The following SASS6 variants were observed in gnomAD, a reference collection of about 807,000 sequenced individuals.
The protein encoded by SASS6 is SAS-6 centriolar assembly protein.
Under a neutral mutation model 94.9 loss-of-function variants are expected in SASS6, and 59 were observed. The observed-to-expected ratio is 0.62, with a 90% CI of 0.50 to 0.77. SASS6 has a LOEUF of 0.77. Among genes scored for constraint, SASS6 ranks in the 30% least tolerant of loss-of-function variants. The pLI is 0.00. For synonymous variants in SASS6, 264 were observed against 270.0 expected (o/e 0.98, Z 0.22); for missense variants, 698 against 734.1 (o/e 0.95, Z 0.57).
intron 14 of SASS6, among the ~76,000 whole-genome samples, chr1:100,090,424 G>A (rs1651589424): frequency 6.6e-6 from 1 of 152,120 alleles, no homozygotes; most frequent in Non-Finnish European, 1.5e-5. Context: ...TTTTTCTGCT[G>A]AGATATGAAA....
intron 7 of SASS6, among the ~76,000 whole-genome samples, chr1:100,116,013 G>A (rs185412142): frequency 1.8e-4 from 27 of 152,004 alleles, no homozygotes; most frequent in African/African-American, 4.8e-4. Flanking sequence ...CATAGTCCTC[G>A]GGTGGGAAAC....
In SASS6 at chr1:100,122,387, T is replaced by C; in HGVS notation, c.304A>G (p.Ile102Val). 1 of 1,444,310 alleles carries C rather than the reference T, an allele frequency of 6.9e-7. No individual in the cohort carries two copies. The highest frequency in any genetic ancestry group is 9.7e-7 in the Non-Finnish European group (1 of 1,036,010). 89.5% of individuals were successfully genotyped at this position (1,444,310 alleles called of 1,614,324 possible). The change falls in exon 4 of 17, where the codon ATT becomes GTT. Residue 102 changes from isoleucine to valine, a missense_variant. Ile to Val is a conservative substitution (Grantham distance 29). Transcript: ENST00000287482. ...QQCTQEHAKE[I>V]PRFLLQLVSP... ...CATTCTCATGCAACTTACCTTGGAA[T>C]TTCTTTGGCATGTTCTTGAGTACAT...
intron 7 of SASS6, 73 bp from the exon 8 acceptor site, chr1:100,110,556 A>G: frequency 1.3e-6 from 1 of 764,498 alleles, no homozygotes; most frequent in South Asian, 3.8e-5. Context: ...AAAGATTTGA[A>G]CAAAAAAAAA....
intron 5 of SASS6, 74 bp from the exon 6 acceptor site, chr1:100,120,533 T>C (rs1295221991): frequency 8.6e-6 from 6 of 701,476 alleles, no homozygotes; most frequent in Non-Finnish European, 2.6e-6. Context: ...AAGTATAGCA[T>C]CAGCATCATC....
intron 14 of SASS6, among the ~76,000 whole-genome samples, chr1:100,102,147 A>T (rs1375089046): frequency 1.3e-5 from 2 of 152,208 alleles, no homozygotes; most frequent in Non-Finnish European, 2.9e-5. Flanking sequence ...GAGGAAAAAG[A>T]AGTAGGTAGA....
chr1:100,127,844 G>A (rs945089840), intron 1 of SASS6, among the ~76,000 whole-genome samples: 3 of 148,812 alleles, frequency 2.0e-5, no homozygotes, highest in Admixed American at 6.7e-5. Flanking sequence ...GGGAGGGGGG[G>A]ACTCAGTTTC....
chr1:100,099,856 C>T (rs897712782), intron 14 of SASS6, among the ~76,000 whole-genome samples: 23 of 152,240 alleles, frequency 1.5e-4, no homozygotes, highest in African/African-American at 4.3e-4. Flanking sequence ...TCTCCCTAAG[C>T]CTTTCAACCA....
chr1:100,095,212 T>C (rs1652029706), intron 14 of SASS6, among the ~76,000 whole-genome samples: 2 of 152,210 alleles, frequency 1.3e-5, no homozygotes, highest in Admixed American at 1.3e-4. Context: ...AAGGCCAGAA[T>C]GTCTGCTCTC....
Position 100,114,929 on chromosome 1 carries a change from G to A in SASS6, c.669+4089C>T, listed in dbSNP as rs145764052. Among the ~76,000 whole-genome samples the A allele has an allele frequency of 3.7e-4, 57 of 152,204 alleles. No homozygotes were observed. In the East Asian group the frequency reaches 0.011, roughly 28 times the overall value. On this transcript the variant is annotated intron_variant, in intron 7 of 16. Transcript: ENST00000287482. ...TTAGATCCCAAAACTCATTTTATCT[G>A]ACTTAGCACTCTTTGAATTAAAATT...
At position 100,107,510 on chromosome 1, in the gene SASS6, A is replaced by G; in HGVS notation, c.1190T>C (p.Leu397Ser). Residue 397 changes from leucine (L) to serine (S), a missense_variant, in exon 11 of 17, where the codon TTA becomes TCA. By Grantham distance (145) the Leu-to-Ser change is moderately radical. Transcript: ENST00000287482. ...IKKLQGDLKT[L>S]MGKLKLKNTV... ...ATTCTTCAATTTCAACTTACCCATT[A>G]AAGTTTTCAGATCCCCTTGTAACTT... 1 of 1,608,030 alleles carries G rather than the reference A, an allele frequency of 6.2e-7. No individual in the cohort carries two copies. Among genetic ancestry groups the G allele is most frequent in the Non-Finnish European group, 8.5e-7 (1 of 1,175,678 alleles).
At chr1:100,094,682 C>A (rs1441632621) in intron 14 of SASS6, among the ~76,000 whole-genome samples, 1 of 152,040 alleles carries the variant, frequency 6.6e-6, no homozygotes, top group Non-Finnish European at 1.5e-5. Context: ...GCCTAGCCAA[C>A]AGGGCGAAAC....
chr1:100,125,222 A>AGTGTGTGTGTGTGT (rs59388922), intron 2 of SASS6, among the ~76,000 whole-genome samples: 2,970 of 143,676 alleles, frequency 0.021, 68 homozygotes, highest in African/African-American at 0.052. Flanking sequence ...ACAAGGCAGC[A>AGTGTGTGTGTGTGT]GTGTGTGTGT....
At chr1:100,092,578 T>G (rs1398980015) in intron 14 of SASS6, among the ~76,000 whole-genome samples, 1 of 151,364 alleles carries the variant, frequency 6.6e-6, no homozygotes, top group Non-Finnish European at 1.5e-5. Flanking sequence ...TTGTGTTTTT[T>G]TGTTTGTTTG....
rs1163006182 is a variant in SASS6 at position 100,129,950 on chromosome 1, T to G, written c.65+2800A>C. Among the ~76,000 whole-genome samples the G allele has an allele frequency of 2.6e-5, 4 of 152,250 alleles. No homozygotes were observed. In the East Asian group the frequency reaches 7.7e-4, roughly 29 times the overall value. The stretch of plus-strand genomic sequence containing the variant: ...ATTACTTTATGCATTTGTCACACAT[T>G]AATACCTAAAATTTAGTGAACATTT... On this transcript the variant is annotated intron_variant, in intron 1 of 16. Coordinates refer to ENST00000287482, the MANE Select transcript of SASS6 (RefSeq NM_194292.3).
chr1:100,110,270 GA>G, intron 8 of SASS6, 21 bp downstream of exon 8: 16 of 1,428,890 alleles, frequency 1.1e-5, no homozygotes, highest in Admixed American at 2.5e-5. Flanking sequence ...ATTGGGGGAG[GA>G]AAAAAAACAA....
At chr1:100,110,534 A>G (rs745306330) in intron 7 of SASS6, 51 bp from the exon 8 acceptor site, 1 of 902,346 alleles carries the variant, frequency 1.1e-6, no homozygotes. Context: ...AAAATCAGAA[A>G]TACAAATACA....
chr1:100,103,337 C>T (rs1021924954), intron 13 of SASS6, among the ~76,000 whole-genome samples: 1 of 152,026 alleles, frequency 6.6e-6, no homozygotes. Context: ...TGCCTTTGTA[C>T]TAAGTTAAAG....
intron 8 of SASS6, 95 bp from the exon 9 acceptor site, chr1:100,108,099 A>C: frequency 1.5e-6 from 1 of 674,648 alleles, no homozygotes; most frequent in Non-Finnish European, 2.3e-6. Flanking sequence ...ATTAAAAAAA[A>C]GTCTTTAATA....
intron 1 of SASS6, among the ~76,000 whole-genome samples, chr1:100,132,486 G>C (rs534301184): frequency 6.6e-6 from 1 of 152,184 alleles, no homozygotes; most frequent in South Asian, 2.1e-4. Flanking sequence ...TAATCTTCAC[G>C]ATTCCGTGCA....
Sources: allele counts gnomAD v4.1 joint callset (sites outside exome capture counted in the v4.1 genomes callset), GRCh38; gene constraint gnomAD v4.1.1; transcripts MANE v1.5; gene names NCBI Gene and HGNC (gene_info 2026-07-23, HGNC 2026-07-21).